The following MATR3 variants were observed in gnomAD, a reference collection of about 807,000 sequenced individuals.
MATR3 encodes matrin 3.
In MATR3, 4 loss-of-function variants were observed where a neutral mutation model predicts 85.5. That is an observed-to-expected ratio of 0.05 (90% CI 0.02 to 0.11). The LOEUF is 0.11. Ranked by LOEUF, MATR3 falls within the 10% of genes least tolerant of loss-of-function variation. The pLI, the probability that MATR3 is intolerant of heterozygous loss-of-function variation, is 1.00. For synonymous variants in MATR3, 336 were observed against 343.1 expected, an observed-to-expected ratio of 0.98 and a Z score of 0.23; for missense variants, 685 against 1,016.1, an observed-to-expected ratio of 0.67 and a Z score of 4.43.
In MATR3 at chr5:139,318,969, C is replaced by T. The variant is rs199624996; in HGVS notation, c.1370C>T (p.Thr457Ile). 6.2e-7 allele frequency: 1 copy of T among 1,613,908 alleles called. No homozygotes were observed. The highest frequency in any genetic ancestry group is 8.5e-7 in the Non-Finnish European group (1 of 1,179,760). ...GCCGCAGTGGATTATTACACAACCA[C>T]ACCAGCGTTAGTATTTGGCAAGCCA... The part of the protein sequence containing the change: ...AQAAVDYYTT[T>I]PALVFGKPVR... The change falls in exon 8 of 15, where the codon ACA (threonine) becomes ATA (isoleucine). Residue 457 changes from threonine (T) to isoleucine (I), a missense_variant. By Grantham distance (89) the Thr-to-Ile change is moderately conservative. Transcript: ENST00000394805.
chr5:139,315,012 A>G (rs1581244700), intron 3 of MATR3: 14 of 393,604 alleles, frequency 3.6e-5, no homozygotes, highest in South Asian at 3.2e-4. Flanking sequence ...ATAGTGAAAG[A>G]TAGTATTTGA....
At chr5:139,326,470 G>A in intron 14 of MATR3, among the ~76,000 whole-genome samples, 186 bp downstream of exon 14, 1 of 150,388 alleles carries the variant, frequency 6.6e-6, no homozygotes, top group East Asian at 1.9e-4. Context: ...GCCCAGGTTG[G>A]ATTGCAATGG....
At chr5:139,319,071 C>A in intron 8 of MATR3, 38 bp downstream of exon 8, 2 of 1,569,146 alleles carry the variant, frequency 1.3e-6, no homozygotes, top group Non-Finnish European at 1.8e-6. Context: ...ATCAGTTTAA[C>A]AAATGATTTT....
Position 139,326,202 on chromosome 5 carries a change from A to C in MATR3, c.2411A>C (p.Lys804Thr). ...ATACCTAAAACAGGGTTTTACTGTA[A>C]GCTGTGTTCACTCTTTTATACAAAT... Reference protein sequence around the residue: ...YVIPKTGFYCKLCSLFYTNEE... With the variant: ...YVIPKTGFYCTLCSLFYTNEE... The change falls in exon 14 of 15, where the codon AAG becomes ACG. Residue 804 changes from lysine (K) to threonine (T), a missense_variant. Transcript: ENST00000394805. 6.2e-7 allele frequency: 1 copy of C among 1,611,346 alleles called. No individual in the cohort carries two copies. The highest frequency in any genetic ancestry group is 8.5e-7 in the Non-Finnish European group (1 of 1,178,068).
intron 12 of MATR3, among the ~76,000 whole-genome samples, chr5:139,323,472 A>G (rs1008815261): frequency 6.6e-6 from 1 of 152,258 alleles, no homozygotes; most frequent in Non-Finnish European, 1.5e-5. Context: ...GAAGCCATGT[A>G]TAAAGTGAAT....
At chr5:139,316,641 G>A (rs1031601102) in intron 5 of MATR3, among the ~76,000 whole-genome samples, 6 of 152,028 alleles carry the variant, frequency 3.9e-5, no homozygotes, top group Non-Finnish European at 7.4e-5. Flanking sequence ...CCTGCCTCCC[G>A]GGTTAAAGCT....
At chr5:139,296,293 T>G (rs1327478833) in intron 1 of MATR3, among the ~76,000 whole-genome samples, 1 of 152,178 alleles carries the variant, frequency 6.6e-6, no homozygotes, top group East Asian at 1.9e-4. Flanking sequence ...AAGAGTATGA[T>G]GGGAAAATGG....
intron 14 of MATR3, among the ~76,000 whole-genome samples, chr5:139,327,531 C>T (rs955189639): frequency 6.6e-6 from 1 of 152,158 alleles, no homozygotes; most frequent in Admixed American, 6.5e-5. Flanking sequence ...AAGCCATTCT[C>T]TTGCCTCAGC....
chr5:139,303,911 T>C (rs1366895764), intron 1 of MATR3, among the ~76,000 whole-genome samples: 1 of 152,236 alleles, frequency 6.6e-6, no homozygotes, highest in Non-Finnish European at 1.5e-5. Context: ...AACAGCTGTT[T>C]GCTTCTGTTC....
chr5:139,319,179 G>T, intron 8 of MATR3, 146 bp downstream of exon 8: 1 of 1,236,768 alleles, frequency 8.1e-7, no homozygotes, highest in Non-Finnish European at 1.2e-6. Context: ...AGGTCAGAAG[G>T]ATTATGTGAG....
chr5:139,323,015 C>A, intron 12 of MATR3, 48 bp downstream of exon 12: 1 of 1,561,376 alleles, frequency 6.4e-7, no homozygotes. Context: ...TAGATCAGAT[C>A]AGTATTTCAA....
Position 139,322,501 on chromosome 5 carries a change from A to G in MATR3, c.1773A>G (p.Lys591=), listed in dbSNP as rs1581256166. 1 of 1,613,960 alleles carries G rather than the reference A, an allele frequency of 6.2e-7. No homozygotes were observed. The change falls in exon 11 of 15, where the codon AAA becomes AAG. Residue 591 remains lysine (K), a synonymous_variant. Transcript: ENST00000394805. ...NRGIDLLKKD[K]SRKRSYSPDG... is the part of the protein sequence containing the mutation. ...GCATTGATTTACTGAAAAAAGATAA[A>G]TCCCGGTAATTTCATTTTGTTTTTC...
chr5:139,292,920 G>T (rs1401493853), upstream of MATR3, among the ~76,000 whole-genome samples: 1 of 152,150 alleles, frequency 6.6e-6, no homozygotes, highest in African/African-American at 2.4e-5. Flanking sequence ...TCCAGCCTGG[G>T]TGACAGAGTG....
intron 1 of MATR3, among the ~76,000 whole-genome samples, chr5:139,301,665 A>G (rs1033988308): frequency 6.6e-6 from 1 of 152,180 alleles, no homozygotes; most frequent in Non-Finnish European, 1.5e-5. Flanking sequence ...GCTTAAGCAG[A>G]GAAGAAAGTA....
intron 1 of MATR3, chr5:139,294,644 G>A (rs917104124): frequency 6.6e-6 from 1 of 152,142 alleles, no homozygotes; most frequent in Non-Finnish European, 1.5e-5. Flanking sequence ...GTTTAGTCAA[G>A]TCACCTCACA....
At chr5:139,322,217 A>G (rs563835083) in intron 10 of MATR3, among the ~76,000 whole-genome samples, 188 bp downstream of exon 10, 1 of 152,354 alleles carries the variant, frequency 6.6e-6, no homozygotes, top group East Asian at 1.9e-4. Context: ...AGTCTTCCCT[A>G]AAGGACACCT....
intron 1 of MATR3, among the ~76,000 whole-genome samples, chr5:139,297,531 T>C (rs1262646259): frequency 1.3e-5 from 2 of 152,186 alleles, no homozygotes; most frequent in Non-Finnish European, 2.9e-5. Context: ...TTTAAAAAAT[T>C]GAGTATAAGT....
rs187140248 is a variant in MATR3, at chr5:139,319,665, T to C, written c.1602+164T>C. Among the ~76,000 whole-genome samples, 177 of 151,540 alleles carry C rather than the reference T, an allele frequency of 1.2e-3. 2 individuals carry two copies. The highest frequency in any genetic ancestry group is 3.7e-3 in the African/African-American group (154 of 41,314). ...GAGTTCGAGACCAGCCTGGCCAGCA[T>C]GGTGAAATCGTATCTCTATTAAAAA... On this transcript the variant is annotated intron_variant, in intron 9 of 14. Coordinates refer to ENST00000394805, the MANE Select transcript of MATR3 (RefSeq NM_018834.6).
chr5:139,310,459 G>GA (rs1471710582), intron 2 of MATR3: 3 of 152,054 alleles, frequency 2.0e-5, no homozygotes, highest in African/African-American at 4.8e-5. Flanking sequence ...GCATTATATT[G>GA]AAAAAATCTT....
Sources: allele counts gnomAD v4.1 joint callset (sites outside exome capture counted in the v4.1 genomes callset), GRCh38; gene constraint gnomAD v4.1.1; transcripts MANE v1.5; gene names NCBI Gene and HGNC (gene_info 2026-07-23, HGNC 2026-07-21).